Variants in THY1 observed in about 807,000 individuals in gnomAD.
THY1 encodes thy-1 membrane glycoprotein.
THY1 carries 10 observed loss-of-function variants against 14.9 expected under a neutral mutation model. That is an observed-to-expected ratio of 0.67 (90% CI 0.41 to 1.14). THY1 has a LOEUF of 1.14. Ranked by LOEUF, THY1 falls within the 50% of genes most tolerant of loss-of-function variation. The pLI is 0.00. For synonymous variants in THY1, 80 were observed against 90.0 expected (o/e 0.89, Z 0.63); for missense variants, 159 against 202.1 (o/e 0.79, Z 1.29).
intron 1 of THY1, 62 bp from the exon 2 acceptor site, chr11:119,420,991 G>A (rs555002284): frequency 6.5e-7 from 1 of 1,531,722 alleles, no homozygotes; most frequent in African/African-American, 1.4e-5. Context: ...AGGGCTGGGG[G>A]TCCCTGGGAA....
At chr11:119,423,850 C>T (rs928065242), upstream of THY1, 5 of 152,892 alleles carry the variant, frequency 3.3e-5, no homozygotes, top group Admixed American at 2.0e-4. Context: ...TGGGCTGGCA[C>T]CTTCTGGTCC....
At chr11:119,421,123 G>T in intron 1 of THY1, 194 bp from the exon 2 acceptor site, 1 of 539,464 alleles carries the variant, frequency 1.9e-6, no homozygotes. Context: ...CAAGGAAGGA[G>T]GGAGAACAAG....
chr11:119,419,312 T>A lies in THY1; in HGVS notation c.*96A>T. On this transcript the variant is annotated 3_prime_UTR_variant, in exon 4 of 4. Coordinates refer to ENST00000284240, the MANE Select transcript of THY1 (RefSeq NM_006288.5). The stretch of plus-strand genomic sequence containing the variant: ...GTGGGGTCCCCACTTCTCCTCAAGG[T>A]TTGAGGGATTGGGGGGAGGGGGTCA... The A allele has an allele frequency of 9.1e-7, 1 of 1,103,054 alleles. No individual in the cohort carries two copies. The highest frequency in any genetic ancestry group is 2.6e-5 in the East Asian group (1 of 38,810). 68.3% of individuals were successfully genotyped at this position (1,103,054 alleles called of 1,614,324 possible). A position where few individuals can be genotyped will look rare whatever the true frequency, so the allele number is the denominator to read the frequency against.
At chr11:119,419,543 G>T (rs756921113) in intron 3 of THY1, 23 bp from the exon 4 acceptor site, 113 of 1,599,302 alleles carry the variant, frequency 7.1e-5, no homozygotes, top group Non-Finnish European at 3.3e-5. Flanking sequence ...AAGGGGGCCG[G>T]GGGCAGGGTA....
chr11:119,421,001 A>G lies in THY1; in HGVS notation c.-24-72T>C, dbSNP rs374747519. 9.7e-6 allele frequency: 14 copies of G among 1,449,146 alleles called. No individual in the cohort carries two copies. In the South Asian group the frequency reaches 1.2e-4, roughly 12 times the overall value. The allele number at this position is 1,449,146 out of a possible 1,614,324, so 89.8% of individuals were successfully genotyped here. On this transcript the variant is annotated intron_variant, in intron 1 of 3. Transcript: ENST00000284240. ...CCACCAGGGCTGGGGGTCCCTGGGA[A>G]CATGGCATAGTGGCTATGGCAGTCA... is the stretch of plus-strand genomic sequence containing the variant.
At position 119,417,988 on chromosome 11, in the gene THY1, G is replaced by C. The variant is rs1236785051; in HGVS notation, c.*1420C>G. On this transcript the variant is annotated 3_prime_UTR_variant, in exon 4 of 4. Transcript: ENST00000284240. ...TCGTTTATTTGGGCAAATGTGTCTC[G>C]TTAGGGTCATTCTGAAAAGAAGCCC... The C allele has an allele frequency of 6.6e-6, 1 of 152,266 alleles. No individual in the cohort carries two copies. The highest frequency in any genetic ancestry group is 6.5e-5 in the Admixed American group (1 of 15,286). The allele number at this position is 152,266 out of a possible 1,614,324, so 9.4% of individuals were successfully genotyped here.
chr11:119,420,508 T>C, intron 2 of THY1, 122 bp from the exon 3 acceptor site: 1 of 940,016 alleles, frequency 1.1e-6, no homozygotes, highest in Non-Finnish European at 1.5e-6. Flanking sequence ...CTGAGTGCCT[T>C]TCCCCACCCC....
In THY1 at chr11:119,419,263, C is replaced by A; in HGVS notation, c.*145G>T. The A allele has an allele frequency of 1.3e-6, 1 of 742,394 alleles. No individual in the cohort carries two copies. The highest frequency in any genetic ancestry group is 2.4e-6 in the Non-Finnish European group (1 of 410,798). The allele number at this position is 742,394 out of a possible 1,614,324, so 46.0% of individuals were successfully genotyped here. On this transcript the variant is annotated 3_prime_UTR_variant, in exon 4 of 4. Transcript: ENST00000284240. ...GTGGACGTGGGTAGATAATCGCATG[C>A]AGCACTGGAACTCCTGATGAGGGGT...
intron 1 of THY1, 79 bp downstream of exon 1, chr11:119,423,019 TCGGACCGTGGCCCGA>T (rs1424322361): frequency 4.4e-6 from 2 of 455,466 alleles, no homozygotes; most frequent in Non-Finnish European, 8.8e-6. Context: ...CTGGGCGCCC[TCGGACCGTGGCCCGA>T]AGCCTAGTGT....
Position 119,419,322 on chromosome 11 carries a change from TG to T in THY1, c.*85del, listed in dbSNP as rs1166173227. 4 of 1,218,296 alleles carry T rather than the reference TG, an allele frequency of 3.3e-6. No homozygotes were observed. The highest frequency in any genetic ancestry group is 4.8e-6 in the Non-Finnish European group (4 of 841,704). 75.5% of individuals were successfully genotyped at this position (1,218,296 alleles called of 1,614,324 possible). Reference sequence around the variant, plus strand: ...CACTTCTCCTCAAGGTTTGAGGGATTGGGGGGAGGGGGTCAGCTGACTCAGA... The same window carrying T: ...CACTTCTCCTCAAGGTTTGAGGGATTGGGGGAGGGGGTCAGCTGACTCAGA... On this transcript the variant is annotated 3_prime_UTR_variant, in exon 4 of 4. Transcript: ENST00000284240.
chr11:119,418,645 T>C lies in THY1; in HGVS notation c.*763A>G, dbSNP rs974943749. Reference sequence around the variant, plus strand: ...GAGGCAGGGAGGGGCAGCAGGGCCATGCTTTTAGCTTCCTTAGGCAGGGAG... The same window carrying C: ...GAGGCAGGGAGGGGCAGCAGGGCCACGCTTTTAGCTTCCTTAGGCAGGGAG... On this transcript the variant is annotated 3_prime_UTR_variant, in exon 4 of 4. Transcript: ENST00000284240. 4 of 152,666 alleles carry C rather than the reference T, an allele frequency of 2.6e-5. 1 individual carries two copies. Among genetic ancestry groups the C allele is most frequent in the Middle Eastern group, 6.3e-3 (2 of 320 alleles). The allele number at this position is 152,666 out of a possible 1,614,324, so 9.5% of individuals were successfully genotyped here.
upstream of THY1, chr11:119,423,237 G>A (rs1453703341): frequency 2.7e-5 from 12 of 438,672 alleles, no homozygotes; most frequent in Middle Eastern, 6.2e-4. Context: ...GGAGCCGGGG[G>A]CTCAGCCAAT....
rs1474867808 is a variant in THY1 at position 119,422,735 on chromosome 11, T to C, written c.-25+378A>G. Among the ~76,000 whole-genome samples, 2 of 151,816 alleles carry C rather than the reference T, an allele frequency of 1.3e-5. No individual in the cohort carries two copies. The highest frequency in any genetic ancestry group is 2.4e-5 in the African/African-American group (1 of 41,256). ...CCCTCTAGCTCGCCATCCTCCATCC[T>C]CTCCCCGCAGTTTCATCCGTCCTCC... is the stretch of plus-strand genomic sequence containing the variant. On this transcript the variant is annotated intron_variant, in intron 1 of 3. Transcript: ENST00000284240. The surrounding 1 kb of genome is among the most constrained non-coding windows in gnomAD (Gnocchi z 7.0).
Position 119,420,276 on chromosome 11 carries a change from A to G in THY1, c.148T>C (p.Tyr50His). 1 of 1,614,238 alleles carries G rather than the reference A, an allele frequency of 6.2e-7. No homozygotes were observed. The highest frequency in any genetic ancestry group is 1.3e-5 in the African/African-American group (1 of 75,080). Reference sequence around the variant, plus strand: ...GTCTCACGGGTCAGGCTGAACTCGTACTGGATGGGTGAACTGCTGGTATTC... The same window carrying G: ...GTCTCACGGGTCAGGCTGAACTCGTGCTGGATGGGTGAACTGCTGGTATTC... ...HENTSSSPIQYEFSLTRETKK... is the reference protein window; with the variant it reads ...HENTSSSPIQHEFSLTRETKK... Residue 50 changes from tyrosine (Y) to histidine (H), a missense_variant, in exon 3 of 4, where the codon TAC (tyrosine) becomes CAC (histidine). By Grantham distance (83) the Tyr-to-His change is moderately conservative. Transcript: ENST00000284240.
rs1381053668 is a variant in THY1 at position 119,415,637 on chromosome 11, A to G, written c.*3771T>C. ...CACTTGGCCTCCATGAAGCTGCCAC[A>G]TTGGTCCTACCCACCCTCCATATGA... On this transcript the variant is annotated 3_prime_UTR_variant, in exon 4 of 4. Transcript: ENST00000284240. 6.6e-6 allele frequency among the ~76,000 whole-genome samples: 1 copy of G among 152,132 alleles called. No homozygotes were observed. The highest frequency in any genetic ancestry group is 2.4e-5 in the African/African-American group (1 of 41,452).
chr11:119,423,904 T>G (rs977806507), upstream of THY1: 1 of 152,506 alleles, frequency 6.6e-6, no homozygotes, highest in Admixed American at 6.5e-5. Flanking sequence ...TACAGTCTGC[T>G]TGTTTGGTCT....
Position 119,417,322 on chromosome 11 carries a change from G to A in THY1, c.*2086C>T, listed in dbSNP as rs993608502. 2 of 152,362 alleles carry A rather than the reference G, an allele frequency of 1.3e-5. No individual in the cohort carries two copies. Among genetic ancestry groups the A allele is most frequent in the African/African-American group, 4.8e-5 (2 of 41,468 alleles). The allele number at this position is 152,362 out of a possible 1,614,324, so 9.4% of individuals were successfully genotyped here. A position where few individuals can be genotyped will look rare whatever the true frequency, so the allele number is the denominator to read the frequency against. ...TCCTCTGTGTATGGTAACTACAGGGGTGGAAGGCAAGGCAGAGAAGTTGAC... is the reference window on the plus strand; with the variant it reads ...TCCTCTGTGTATGGTAACTACAGGGATGGAAGGCAAGGCAGAGAAGTTGAC... On this transcript the variant is annotated 3_prime_UTR_variant, in exon 4 of 4. Coordinates refer to ENST00000284240, the MANE Select transcript of THY1 (RefSeq NM_006288.5).
intron 2 of THY1, 70 bp downstream of exon 2, chr11:119,420,799 G>A: frequency 6.3e-7 from 1 of 1,582,922 alleles, no homozygotes; most frequent in African/African-American, 1.3e-5. Context: ...GACTGTGAGG[G>A]AGAAGCTGCT....
chr11:119,423,479 T>A, upstream of THY1: 1 of 344,766 alleles, frequency 2.9e-6, no homozygotes, highest in Non-Finnish European at 5.7e-6. Context: ...TTGTTCCCCT[T>A]TTAAGGCTTT....
Sources: gnomAD v4.1 joint callset for allele counts (sites outside exome capture counted in the v4.1 genomes callset) on GRCh38, gnomAD v4.1.1 for gene constraint, Gnocchi (gnomAD v3.1) non-coding constraint, MANE v1.5 for transcripts, NCBI Gene and HGNC (gene_info 2026-07-23, HGNC 2026-07-21) for gene names.